The following CEP63 variants were observed in gnomAD, a reference collection of about 807,000 sequenced individuals.
CEP63 encodes centrosomal protein 63, also known as centrosomal protein of 63 kDa.
CEP63 carries 84 observed loss-of-function variants against 89.1 expected under a neutral mutation model. That is an observed-to-expected ratio of 0.94 (90% CI 0.79 to 1.13). The LOEUF (loss-of-function observed/expected upper bound fraction) is 1.13. Among genes scored for constraint, CEP63 ranks in the 50% most tolerant of loss-of-function variants. The pLI is 0.00. For missense variants in CEP63, 838 were observed against 813.3 expected (o/e 1.03, Z -0.37); for synonymous variants, 267 against 272.5 (o/e 0.98, Z 0.20).
rs796340641 is a variant in CEP63 at position 134,519,297 on chromosome 3, CT to C, written c.222+12023del. On this transcript the variant is annotated intron_variant, in intron 3 of 14. Coordinates refer to ENST00000675561, the MANE Select transcript of CEP63 (RefSeq NM_001353108.3). ...CACCACCATGCCCGGCTAATTTTTG[CT>C]TTTTTTTTTTTCTTAAGTAGAAATG... Among the ~76,000 whole-genome samples, 88 of 144,612 alleles carry C rather than the reference CT, an allele frequency of 6.1e-4. 1 individual carries two copies. The highest frequency in any genetic ancestry group is 3.5e-3 in the Middle Eastern group (1 of 284). The allele number at this position is 144,612 out of a possible 152,430, so 94.9% of individuals were successfully genotyped here.
the CEP63 span, among the ~76,000 whole-genome samples, chr3:134,768,701 TA>T: frequency 6.6e-6 from 1 of 152,236 alleles, no homozygotes; most frequent in Non-Finnish European, 1.5e-5. Context: ...GGCAGAAGTC[TA>T]AAAATGTCTT....
the CEP63 span, among the ~76,000 whole-genome samples, chr3:134,665,702 C>CACACAGAGAGAGAG: frequency 5.9e-5 from 6 of 102,320 alleles, no homozygotes; most frequent in African/African-American, 2.4e-4. Flanking sequence ...CACACACACA[C>CACACAGAGAGAGAG]AGAGAGAGAG....
At chr3:134,585,151 T>C (rs1457529626) in intron 10 of CEP63, among the ~76,000 whole-genome samples, 6 of 152,022 alleles carry the variant, frequency 3.9e-5, no homozygotes, top group Non-Finnish European at 7.4e-5. Context: ...CCTGGATTCA[T>C]TGATTTTTTG....
the CEP63 span, among the ~76,000 whole-genome samples, chr3:134,711,348 T>C: frequency 6.6e-6 from 1 of 152,240 alleles, no homozygotes; most frequent in African/African-American, 2.4e-5. Context: ...GCAGGCAATC[T>C]ATCAGTTTCA....
the CEP63 span, among the ~76,000 whole-genome samples, chr3:134,703,505 C>G: frequency 6.6e-6 from 1 of 152,026 alleles, no homozygotes; most frequent in Non-Finnish European, 1.5e-5. Context: ...GGCCATTATC[C>G]TTAGTAAACT....
the CEP63 span, among the ~76,000 whole-genome samples, chr3:134,612,013 C>T: frequency 6.6e-6 from 1 of 152,186 alleles, no homozygotes; most frequent in Non-Finnish European, 1.5e-5. Context: ...CTTTCCCAGC[C>T]ATCAGTGTTT....
downstream of CEP63, among the ~76,000 whole-genome samples, chr3:134,569,907 A>G (rs761013235): frequency 1.3e-5 from 2 of 152,356 alleles, no homozygotes; most frequent in African/African-American, 2.4e-5. Context: ...CCAAACCTCA[A>G]TTCTTGTCTT....
At chr3:134,521,223 C>T (rs1242250438) in intron 3 of CEP63, among the ~76,000 whole-genome samples, 3 of 151,958 alleles carry the variant, frequency 2.0e-5, no homozygotes, top group Admixed American at 2.0e-4. Flanking sequence ...ACAAGATAAC[C>T]CTAAACATAC....
the CEP63 span, among the ~76,000 whole-genome samples, chr3:134,705,596 C>A: frequency 6.6e-6 from 1 of 152,186 alleles, no homozygotes; most frequent in Non-Finnish European, 1.5e-5. Context: ...TGCAGGGTCT[C>A]AATACAGCCA....
the CEP63 span, among the ~76,000 whole-genome samples, chr3:134,599,366 T>C: frequency 2.0e-5 from 3 of 152,284 alleles, no homozygotes; most frequent in South Asian, 4.1e-4. Context: ...GAAGCCAGAT[T>C]TGGGAACACA....
chr3:134,537,337 CA>C, intron 6 of CEP63, 69 bp downstream of exon 6: 1 of 970,512 alleles, frequency 1.0e-6, no homozygotes, highest in Non-Finnish European at 1.7e-6. Context: ...TACCTTAATG[CA>C]GTGTCCTAGT....
chr3:134,779,372 A>G, the CEP63 span, among the ~76,000 whole-genome samples: 1 of 152,132 alleles, frequency 6.6e-6, no homozygotes, highest in Non-Finnish European at 1.5e-5. Context: ...TTTTACAATG[A>G]TGGGCATTTG....
chr3:134,781,024 C>G, the CEP63 span, among the ~76,000 whole-genome samples: 12 of 152,252 alleles, frequency 7.9e-5, no homozygotes, highest in Non-Finnish European at 1.5e-4. Flanking sequence ...TTTATTCTTT[C>G]TCACCATTTT....
chr3:134,538,198 GT>G (rs66539157), intron 6 of CEP63, among the ~76,000 whole-genome samples: 7,213 of 112,380 alleles, frequency 0.064, 162 homozygotes, highest in African/African-American at 0.071. Flanking sequence ...AGAAGGGAGG[GT>G]TTTTTTTTTT....
At chr3:134,669,564 C>T in the CEP63 span, among the ~76,000 whole-genome samples, 3 of 152,264 alleles carry the variant, frequency 2.0e-5, no homozygotes, top group African/African-American at 4.8e-5. Context: ...GATCAGCTTC[C>T]GCATGGTGTG....
intron 6 of CEP63, among the ~76,000 whole-genome samples, chr3:134,542,499 C>G (rs1447292748): frequency 1.3e-5 from 2 of 152,080 alleles, no homozygotes; most frequent in Admixed American, 6.5e-5. Context: ...CCTGCACTGG[C>G]GCATTTGGAG....
intron 5 of CEP63, 175 bp from the exon 6 acceptor site, chr3:134,536,980 G>T (rs908277153): frequency 1.6e-6 from 1 of 641,190 alleles, no homozygotes; most frequent in East Asian, 3.0e-5. Context: ...AGTATGTGAG[G>T]AAGTTAGTAT....
the CEP63 span, among the ~76,000 whole-genome samples, chr3:134,655,198 G>C: frequency 1.3e-5 from 2 of 152,190 alleles, no homozygotes; most frequent in African/African-American, 4.8e-5. Flanking sequence ...GTCCTGCTCT[G>C]GGGAAGGTCT....
rs756924214 is a variant in CEP63, at chr3:134,537,235, G to A, written c.522G>A (p.Arg174=). ...QQQVSSLEAQ[R]KALAEQSEII... ...AGGTATCTTCACTGGAGGCACAAAGGAAGGCTCTGGCTGAACAATCAGAGA... is the reference window on the plus strand; with the variant it reads ...AGGTATCTTCACTGGAGGCACAAAGAAAGGCTCTGGCTGAACAATCAGAGA... Residue 174 remains arginine (R), a synonymous_variant, in exon 6 of 15, where the codon AGG becomes AGA. Transcript: ENST00000675561. 1 of 1,613,182 alleles carries A rather than the reference G, an allele frequency of 6.2e-7. No homozygotes were observed. Among genetic ancestry groups the A allele is most frequent in the South Asian group, 1.1e-5 (1 of 91,056 alleles).
Sources: allele counts gnomAD v4.1 joint callset (sites outside exome capture counted in the v4.1 genomes callset), GRCh38; gene constraint gnomAD v4.1.1; transcripts MANE v1.5; gene names NCBI Gene and HGNC (gene_info 2026-07-23, HGNC 2026-07-21).